The following OCA2 variants were observed in gnomAD, a reference collection of about 807,000 sequenced individuals.
OCA2 encodes P protein.
OCA2 carries 77 observed loss-of-function variants against 100.2 expected under a neutral mutation model. That is an observed-to-expected ratio of 0.77 (90% CI 0.64 to 0.93). OCA2 has a LOEUF of 0.93. Among genes scored for constraint, OCA2 ranks in the 40% least tolerant of loss-of-function variants. The pLI is 0.00. For missense variants in OCA2, 1,062 were observed against 1,089.1 expected (o/e 0.98, Z 0.35); for synonymous variants, 432 against 439.2 (o/e 0.98, Z 0.21).
At chr15:28,013,539 G>C (rs533906165) in intron 9 of OCA2, among the ~76,000 whole-genome samples, 79 of 152,292 alleles carry the variant, frequency 5.2e-4, no homozygotes, top group African/African-American at 1.9e-3. Context: ...ATCTTGGTAA[G>C]CTGAGGGTGA....
At chr15:28,044,993 C>T (rs929428468) in intron 2 of OCA2, among the ~76,000 whole-genome samples, 3 of 152,128 alleles carry the variant, frequency 2.0e-5, no homozygotes, top group Non-Finnish European at 4.4e-5. Flanking sequence ...CCCAATATGA[C>T]AATGTCTACC....
rs112490464 is a variant in OCA2 at position 27,889,592 on chromosome 15, T to C, written c.2080-17670A>G. Among the ~76,000 whole-genome samples the C allele has an allele frequency of 4.3e-3, 648 of 152,288 alleles. 7 individuals are homozygous for C. The highest frequency in any genetic ancestry group is 0.015 in the African/African-American group (618 of 41,556). ...TTCTGAGTCACCGTGGGAAAGTGTA[T>C]CAGCCAGTGCCCATCCGTCATGGGG... is the stretch of plus-strand genomic sequence containing the variant. On this transcript the variant is annotated intron_variant, in intron 19 of 23. Coordinates refer to ENST00000354638, the MANE Select transcript of OCA2 (RefSeq NM_000275.3).
At chr15:27,741,095 C>G in the OCA2 span, among the ~76,000 whole-genome samples, 1 of 152,224 alleles carries the variant, frequency 6.6e-6, no homozygotes, top group East Asian at 1.9e-4. Context: ...CAGCTCTTAT[C>G]TCAGGCCTGC....
In OCA2 at chr15:27,986,605, G is replaced by A. The variant is rs370349105; in HGVS notation, c.1221C>T (p.Phe407=). ...TACCTACCTTTACAGCACAATAATC[G>A]AAAAATCCCGTTTCTGAAAATATGG... The part of the protein sequence containing the change: ...LVAIFSETGF[F]DYCAVKAYRL... The change falls in exon 12 of 24, where the codon TTC becomes TTT. Residue 407 remains phenylalanine, a synonymous_variant. Coordinates refer to ENST00000354638, the MANE Select transcript of OCA2 (RefSeq NM_000275.3). The A allele has an allele frequency of 6.2e-5, 98 of 1,590,670 alleles. 3 individuals carry two copies. The highest frequency in any genetic ancestry group is 3.5e-4 in the South Asian group (32 of 90,696).
At chr15:27,938,377 C>T (rs987421587) in intron 18 of OCA2, among the ~76,000 whole-genome samples, 3 of 152,196 alleles carry the variant, frequency 2.0e-5, no homozygotes, top group Non-Finnish European at 2.9e-5. Context: ...CTTCTGCCCA[C>T]AACTTGCAGA....
chr15:27,876,513 T>C (rs1204038475), intron 19 of OCA2, among the ~76,000 whole-genome samples: 2 of 152,022 alleles, frequency 1.3e-5, no homozygotes, highest in Admixed American at 6.6e-5. Flanking sequence ...ATTTATAGGA[T>C]TGGTATTATT....
chr15:27,867,801 G>A (rs2151480048), intron 21 of OCA2, among the ~76,000 whole-genome samples: 1 of 152,310 alleles, frequency 6.6e-6, no homozygotes, highest in Non-Finnish European at 1.5e-5. Flanking sequence ...ATATATGTAT[G>A]TTAACTGCTC....
At position 27,755,088 on chromosome 15, in the gene OCA2, A is replaced by G. The variant is rs776180839; in HGVS notation, c.*300T>C. The stretch of plus-strand genomic sequence containing the variant: ...TTTAGGTGGATGTGTGTCTTTTCCT[A>G]TGTATAGCAGGAAGGGTTTTTAAAC... On this transcript the variant is annotated 3_prime_UTR_variant, in exon 24 of 24. Transcript: ENST00000354638. 52 of 377,622 alleles carry G rather than the reference A, an allele frequency of 1.4e-4. No homozygotes were observed. The highest frequency in any genetic ancestry group is 2.5e-4 in the Non-Finnish European group (49 of 195,910). The allele number at this position is 377,622 out of a possible 1,614,324, so 23.4% of individuals were successfully genotyped here.
chr15:28,080,448 C>G (rs776584690), intron 2 of OCA2, among the ~76,000 whole-genome samples: 10 of 152,208 alleles, frequency 6.6e-5, no homozygotes, highest in Non-Finnish European at 1.5e-4. Context: ...CACGAATGAA[C>G]GAGAGCTACA....
chr15:27,884,105 G>C (rs1376657442), intron 19 of OCA2, among the ~76,000 whole-genome samples: 2 of 152,192 alleles, frequency 1.3e-5, no homozygotes, highest in Admixed American at 6.5e-5. Context: ...AAATGTGCCA[G>C]GCGTGGTGAC....
intron 23 of OCA2, among the ~76,000 whole-genome samples, chr15:27,844,066 A>G (rs2035441185): frequency 6.6e-6 from 1 of 152,200 alleles, no homozygotes; most frequent in African/African-American, 2.4e-5. Context: ...AGGGGTTTCC[A>G]GCCTCCATTC....
chr15:28,062,057 C>A (rs1318819211), intron 2 of OCA2, among the ~76,000 whole-genome samples: 1 of 152,208 alleles, frequency 6.6e-6, no homozygotes, highest in African/African-American at 2.4e-5. Context: ...ACAGGCATGT[C>A]TTTTCAATTT....
chr15:27,781,601 T>A (rs752158622), intron 23 of OCA2, among the ~76,000 whole-genome samples: 8 of 152,236 alleles, frequency 5.3e-5, no homozygotes, highest in Non-Finnish European at 7.3e-5. Flanking sequence ...GTGTGCTTTA[T>A]CATCTTTAAT....
At chr15:27,987,444 G>T (rs771108860) in intron 11 of OCA2, among the ~76,000 whole-genome samples, 55 of 152,136 alleles carry the variant, frequency 3.6e-4, no homozygotes, top group Non-Finnish European at 7.1e-4. Flanking sequence ...TTGAGGCTGG[G>T]TGTGGTGGCT....
At chr15:27,831,843 T>C (rs1255726598) in intron 23 of OCA2, among the ~76,000 whole-genome samples, 1 of 152,150 alleles carries the variant, frequency 6.6e-6, no homozygotes, top group Admixed American at 6.5e-5. Flanking sequence ...CCCAAGCGAA[T>C]TTGATTGAGG....
intron 23 of OCA2, among the ~76,000 whole-genome samples, chr15:27,824,388 G>A (rs1046826151): frequency 2.0e-5 from 3 of 150,396 alleles, no homozygotes; most frequent in African/African-American, 7.4e-5. Context: ...AAAGAAAGAA[G>A]GAAAGAAAGA....
chr15:28,077,760 A>G (rs2141858727), intron 2 of OCA2, among the ~76,000 whole-genome samples: 1 of 152,374 alleles, frequency 6.6e-6, no homozygotes, highest in South Asian at 2.1e-4. Context: ...ATAAGACGCA[A>G]AAAACCACAC....
At chr15:27,935,003 G>C (rs144935754) in intron 18 of OCA2, among the ~76,000 whole-genome samples, 1 of 152,056 alleles carries the variant, frequency 6.6e-6, no homozygotes, top group Non-Finnish European at 1.5e-5. Context: ...CTGCAGCCCC[G>C]GTCCCTGTGA....
chr15:28,002,121 A>T (rs2041946910), intron 9 of OCA2, among the ~76,000 whole-genome samples: 1 of 152,238 alleles, frequency 6.6e-6, no homozygotes, highest in Non-Finnish European at 1.5e-5. Flanking sequence ...GTTGGGCAGG[A>T]GGCACCAAAA....
Sources: allele counts gnomAD v4.1 joint callset (sites outside exome capture counted in the v4.1 genomes callset), GRCh38; gene constraint gnomAD v4.1.1; transcripts MANE v1.5; gene names NCBI Gene and HGNC (gene_info 2026-07-23, HGNC 2026-07-21).